Variants in AP3D1 observed in about 807,000 individuals in gnomAD.
AP3D1 encodes the protein adaptor related protein complex 3 subunit delta 1.
In AP3D1, 51 loss-of-function variants were observed where a neutral mutation model predicts 147.6. That is an observed-to-expected ratio of 0.35 (90% CI 0.28 to 0.44). The LOEUF is 0.44. AP3D1 is among the 20% of genes least tolerant of loss of function. The pLI is 1.00. For missense variants in AP3D1, 1,421 were observed against 1,624.2 expected (o/e 0.87, Z 2.15); for synonymous variants, 760 against 663.0 (o/e 1.15, Z -2.25).
chr19:2,111,029 C>A, intron 26 of AP3D1, 133 bp from the exon 27 acceptor site: 1 of 1,088,388 alleles, frequency 9.2e-7, no homozygotes, highest in South Asian at 1.6e-5. Flanking sequence ...GGGGCGCCCC[C>A]TAGCCGCAGG....
In AP3D1 at chr19:2,123,703, C is replaced by T. The variant is rs115632346; in HGVS notation, c.906+127G>A. Reference sequence around the variant, plus strand: ...AGTGCACACAGGACGCGGCTGTGCCCTCCCAAGCCGCAAGATGGCGTGGGG... The same window carrying T: ...AGTGCACACAGGACGCGGCTGTGCCTTCCCAAGCCGCAAGATGGCGTGGGG... On this transcript the variant is annotated intron_variant, in intron 10 of 31. Coordinates refer to ENST00000643116, the MANE Select transcript of AP3D1 (RefSeq NM_001261826.3). 441 of 1,205,922 alleles carry T rather than the reference C, an allele frequency of 3.7e-4. 4 individuals carry two copies. In the African/African-American group the frequency reaches 4.9e-3, roughly 13 times the overall value. 74.7% of individuals were successfully genotyped at this position (1,205,922 alleles called of 1,614,324 possible). A position where few individuals can be genotyped will look rare whatever the true frequency, so the allele number is the denominator to read the frequency against.
rs903781940 is a variant in AP3D1, at chr19:2,115,331, C to T, written c.2237G>A (p.Arg746Lys). Residue 746 changes from arginine (R) to lysine (K), a missense_variant, in exon 20 of 32, where the codon AGG becomes AAG. Arg to Lys is a conservative substitution (Grantham distance 26). Coordinates refer to ENST00000643116, the MANE Select transcript of AP3D1 (RefSeq NM_001261826.3). ...KLEKDKRRKK[R>K]KEKEKKGKRR... Reference sequence around the variant, plus strand: ...CTTGCCCTTCTTCTCCTTCTCCTTCCTCTTTTTCCTCCTCTTGTCCTTCTC... The same window carrying T: ...CTTGCCCTTCTTCTCCTTCTCCTTCTTCTTTTTCCTCCTCTTGTCCTTCTC... The T allele has an allele frequency of 6.8e-6, 11 of 1,610,808 alleles. No individual in the cohort carries two copies. The Middle Eastern group carries it at 6.6e-4, about 97-fold the overall frequency.
upstream of AP3D1, among the ~76,000 whole-genome samples, chr19:2,156,015 T>C (rs903953835): frequency 6.0e-4 from 89 of 147,364 alleles, no homozygotes; most frequent in African/African-American, 2.2e-3. Flanking sequence ...ATTGCGCCAC[T>C]GCACTCCAGC....
chr19:2,151,812 T>C (rs2019529844), upstream of AP3D1, among the ~76,000 whole-genome samples: 1 of 152,260 alleles, frequency 6.6e-6, no homozygotes, highest in Non-Finnish European at 1.5e-5. Flanking sequence ...TTCTGAGCCC[T>C]AGCCACGCCC....
intron 1 of AP3D1, chr19:2,164,054 C>G (rs1599514854): frequency 9.6e-6 from 5 of 521,216 alleles, no homozygotes; most frequent in South Asian, 8.1e-5. Flanking sequence ...CGGCGGCGGC[C>G]GAGGCCGAGG....
intron 3 of AP3D1, 88 bp downstream of exon 3, chr19:2,137,639 A>T (rs2019111684): frequency 9.0e-7 from 1 of 1,107,762 alleles, no homozygotes; most frequent in Admixed American, 1.9e-5. Context: ...CTGTCTCAAG[A>T]ATAATAATAA....
intron 4 of AP3D1, among the ~76,000 whole-genome samples, chr19:2,135,975 G>A (rs938201194): frequency 1.3e-5 from 2 of 150,718 alleles, no homozygotes; most frequent in South Asian, 2.1e-4. Context: ...ACACGGCCAC[G>A]ACCCAAGGAG....
chr19:2,113,476 G>T, intron 22 of AP3D1, 63 bp from the exon 23 acceptor site: 1 of 1,044,294 alleles, frequency 9.6e-7, no homozygotes. Context: ...AGGGGACGGG[G>T]ACAGCAGGGC....
intron 1 of AP3D1, among the ~76,000 whole-genome samples, chr19:2,141,460 A>G (rs2019218349): frequency 7.3e-6 from 1 of 136,182 alleles, no homozygotes; most frequent in African/African-American, 2.8e-5. Context: ...TTTTTAATGG[A>G]GTCTTGCTCT....
chr19:2,143,475 T>C (rs1013492194), intron 1 of AP3D1, among the ~76,000 whole-genome samples: 12 of 150,398 alleles, frequency 8.0e-5, no homozygotes, highest in African/African-American at 2.4e-4. Flanking sequence ...CTCCTGACCT[T>C]GTGATCCGCC....
At chr19:2,118,386 A>G (rs549892348) in intron 15 of AP3D1, among the ~76,000 whole-genome samples, 3 of 152,316 alleles carry the variant, frequency 2.0e-5, no homozygotes, top group Admixed American at 6.5e-5. Flanking sequence ...AGCACCCCAG[A>G]GACCTGCCCC....
chr19:2,116,092 C>A, intron 18 of AP3D1, 115 bp downstream of exon 18: 1 of 1,032,026 alleles, frequency 9.7e-7, no homozygotes, highest in Non-Finnish European at 1.4e-6. Flanking sequence ...CCGTGTGGCC[C>A]CAGCTCCATT....
At chr19:2,117,117 C>T (rs903030506) in intron 16 of AP3D1, 105 bp downstream of exon 16, 24 of 1,412,774 alleles carry the variant, frequency 1.7e-5, no homozygotes, top group Non-Finnish European at 2.2e-5. Flanking sequence ...ATCAGCCCCA[C>T]ACCCTCCTGG....
chr19:2,108,900 G>T, intron 30 of AP3D1, 134 bp from the exon 31 acceptor site: 1 of 1,316,682 alleles, frequency 7.6e-7, no homozygotes, highest in Non-Finnish European at 1.0e-6. Context: ...GTGTGGCCCT[G>T]AGAGGCCTGG....
intron 1 of AP3D1, among the ~76,000 whole-genome samples, chr19:2,159,705 A>ATT (rs913645590): frequency 1.2e-5 from 1 of 80,602 alleles, no homozygotes; most frequent in Admixed American, 1.3e-4. Flanking sequence ...TAATTTTTGT[A>ATT]TTTTTTTTTT....
intron 8 of AP3D1, among the ~76,000 whole-genome samples, chr19:2,127,753 C>T (rs1431252402): frequency 6.6e-6 from 1 of 152,216 alleles, no homozygotes; most frequent in Non-Finnish European, 1.5e-5. Context: ...TCTTGAACTC[C>T]TGACCTCAAG....
intron 16 of AP3D1, chr19:2,116,994 A>C: frequency 1.3e-6 from 1 of 790,260 alleles, no homozygotes; most frequent in Non-Finnish European, 1.9e-6. Flanking sequence ...CTTTATGGCA[A>C]GGGTGGGAGC....
chr19:2,124,330 A>C (rs1419931731), intron 9 of AP3D1, among the ~76,000 whole-genome samples: 2 of 152,244 alleles, frequency 1.3e-5, no homozygotes, highest in African/African-American at 4.8e-5. Flanking sequence ...CTCCACTGAA[A>C]GAAGGCTCTA....
chr19:2,153,562 G>C (rs1322598059), upstream of AP3D1, among the ~76,000 whole-genome samples: 2 of 151,808 alleles, frequency 1.3e-5, no homozygotes, highest in African/African-American at 2.4e-5. Context: ...TGTAATCCCA[G>C]CTATTGGGGA....
Sources: gnomAD v4.1 joint callset for allele counts (sites outside exome capture counted in the v4.1 genomes callset) on GRCh38, gnomAD v4.1.1 for gene constraint, MANE v1.5 for transcripts, NCBI Gene and HGNC (gene_info 2026-07-23, HGNC 2026-07-21) for gene names.